The following CLIC5 variants were observed in gnomAD, a reference collection of about 807,000 sequenced individuals.
The protein encoded by CLIC5 is chloride intracellular channel protein 5.
In CLIC5, 20 loss-of-function variants were observed where a neutral mutation model predicts 24.7. That is an observed-to-expected ratio of 0.81 (90% CI 0.57 to 1.18). The LOEUF (loss-of-function observed/expected upper bound fraction) is 1.18, where lower values mean the gene tolerates loss of function less well. CLIC5 is among the 50% of genes most tolerant of loss of function. The probability of loss-of-function intolerance (pLI) is 0.00; values close to 1 mark genes in which losing one functional copy is unlikely to be tolerated. For synonymous variants in CLIC5, 159 were observed against 135.6 expected (o/e 1.17, Z -1.20); for missense variants, 341 against 326.1 (o/e 1.05, Z -0.35).
At chr6:46,089,737 A>G in the CLIC5 span, among the ~76,000 whole-genome samples, 1 of 152,154 alleles carries the variant, frequency 6.6e-6, no homozygotes, top group Non-Finnish European at 1.5e-5. Flanking sequence ...TGAGTTCACA[A>G]TGAAGATTCT....
At chr6:45,945,382 C>G (rs1764257146) in intron 3 of CLIC5, among the ~76,000 whole-genome samples, 1 of 152,142 alleles carries the variant, frequency 6.6e-6, no homozygotes, top group Non-Finnish European at 1.5e-5. Context: ...TCTCTCTCAC[C>G]TAAGTTGGGA....
At chr6:46,035,508 GT>G (rs1214090803) in intron 1 of CLIC5, among the ~76,000 whole-genome samples, 1 of 152,102 alleles carries the variant, frequency 6.6e-6, no homozygotes, top group Non-Finnish European at 1.5e-5. Context: ...TGTTGTGTTG[GT>G]TTGTTTGCCT....
the CLIC5 span, among the ~76,000 whole-genome samples, chr6:46,093,336 A>G: frequency 3.9e-5 from 6 of 152,192 alleles, no homozygotes; most frequent in Non-Finnish European, 5.9e-5. Context: ...TTAAATATTC[A>G]TAAGAATCAT....
At chr6:46,067,322 G>T (rs1672056320) in intron 1 of CLIC5, among the ~76,000 whole-genome samples, 1 of 151,882 alleles carries the variant, frequency 6.6e-6, no homozygotes, top group African/African-American at 2.4e-5. Context: ...AAAAATGGGA[G>T]TTCAAAAAAT....
At chr6:45,906,268 T>C (rs975487141) in intron 5 of CLIC5, among the ~76,000 whole-genome samples, 4 of 152,198 alleles carry the variant, frequency 2.6e-5, no homozygotes, top group Non-Finnish European at 4.4e-5. Flanking sequence ...GGTAGATTGA[T>C]AGGAATGGCA....
chr6:45,935,993 G>A (rs749816448), intron 4 of CLIC5, among the ~76,000 whole-genome samples: 19 of 151,980 alleles, frequency 1.3e-4, no homozygotes, highest in South Asian at 1.0e-3. Flanking sequence ...CACTACCCCC[G>A]ATTTCCTCCA....
chr6:46,060,269 G>A (rs1486258529), intron 1 of CLIC5, among the ~76,000 whole-genome samples: 2 of 152,054 alleles, frequency 1.3e-5, no homozygotes, highest in African/African-American at 4.8e-5. Context: ...ATGCAAGTTG[G>A]TTTGCCCTAA....
chr6:45,888,458 T>C (rs1277656914), intron 6 of CLIC5, among the ~76,000 whole-genome samples: 1 of 152,230 alleles, frequency 6.6e-6, no homozygotes, highest in African/African-American at 2.4e-5. Context: ...CATGAAAATT[T>C]ATGCTTACAG....
At chr6:46,080,992 A>G (rs1762908550), upstream of CLIC5, among the ~76,000 whole-genome samples, 1 of 152,210 alleles carries the variant, frequency 6.6e-6, no homozygotes, top group Admixed American at 6.5e-5. Context: ...ACATTCACTA[A>G]AATCCTATCA....
chr6:46,076,131 C>T (rs1762761219), intron 1 of CLIC5, among the ~76,000 whole-genome samples: 1 of 152,220 alleles, frequency 6.6e-6, no homozygotes, highest in South Asian at 2.1e-4. Flanking sequence ...ATGCCTCCCG[C>T]TGTCACTCAG....
the CLIC5 span, among the ~76,000 whole-genome samples, chr6:46,121,208 GC>G: frequency 6.6e-6 from 1 of 152,200 alleles, no homozygotes; most frequent in East Asian, 1.9e-4. Context: ...ACAAAGGGAA[GC>G]CCATCAGACT....
chr6:45,973,289 G>A (rs1236797399), intron 1 of CLIC5, among the ~76,000 whole-genome samples: 1 of 152,172 alleles, frequency 6.6e-6, no homozygotes, highest in Non-Finnish European at 1.5e-5. Flanking sequence ...CTCTAAAGGT[G>A]CTGTCCTGAG....
chr6:46,005,239 C>G (rs754609657), intron 1 of CLIC5, among the ~76,000 whole-genome samples: 1 of 152,224 alleles, frequency 6.6e-6, no homozygotes, highest in Non-Finnish European at 1.5e-5. Flanking sequence ...CCCTCCTTCC[C>G]CTTTTGTGTT....
chr6:46,104,912 G>T, the CLIC5 span, among the ~76,000 whole-genome samples: 2 of 152,178 alleles, frequency 1.3e-5, no homozygotes, highest in East Asian at 3.8e-4. Context: ...CTTGCAGTGT[G>T]ACAGCTAAAA....
intron 1 of CLIC5, among the ~76,000 whole-genome samples, chr6:46,006,188 A>G (rs1766575644): frequency 7.2e-6 from 1 of 139,580 alleles, no homozygotes; most frequent in South Asian, 2.4e-4. Context: ...CCTATCGCCC[A>G]GCCTGGAGTG....
intron 1 of CLIC5, among the ~76,000 whole-genome samples, chr6:45,958,563 G>A (rs1054979750): frequency 6.8e-6 from 1 of 147,940 alleles, no homozygotes; most frequent in Non-Finnish European, 1.5e-5. Context: ...CTGTTCCCTA[G>A]ATACAGTGTA....
intron 1 of CLIC5, among the ~76,000 whole-genome samples, chr6:46,009,396 A>C (rs1766719117): frequency 6.6e-6 from 1 of 152,116 alleles, no homozygotes; most frequent in Non-Finnish European, 1.5e-5. Context: ...CTGGAAGAGA[A>C]ATGTCCCTGA....
chr6:46,006,100 A>T (rs1766561899), intron 1 of CLIC5, among the ~76,000 whole-genome samples: 2 of 47,136 alleles, frequency 4.2e-5, no homozygotes, highest in Admixed American at 2.9e-4. Flanking sequence ...ATACATATAT[A>T]TATATATATA....
intron 1 of CLIC5, among the ~76,000 whole-genome samples, chr6:45,999,445 A>C (rs1766268481): frequency 6.6e-6 from 1 of 152,186 alleles, no homozygotes; most frequent in African/African-American, 2.4e-5. Context: ...AAGTGTATGT[A>C]TACATATTAT....
Sources: allele counts gnomAD v4.1 joint callset (sites outside exome capture counted in the v4.1 genomes callset), GRCh38; gene constraint gnomAD v4.1.1; transcripts MANE v1.5; gene names NCBI Gene and HGNC (gene_info 2026-07-23, HGNC 2026-07-21).